PREX1: variants seen among roughly 807,000 people sequenced by gnomAD.
PREX1 encodes the protein phosphatidylinositol 3,4,5-trisphosphate-dependent Rac exchanger 1 protein.
Under a neutral mutation model 198.3 loss-of-function variants are expected in PREX1, and 41 were observed. That is an observed-to-expected ratio of 0.21 (90% CI 0.16 to 0.27). The LOEUF is 0.27. PREX1 is among the 10% of genes least tolerant of loss of function. The pLI, the probability that PREX1 is intolerant of heterozygous loss-of-function variation, is 1.00. For synonymous variants in PREX1, 843 were observed against 887.2 expected (o/e 0.95, Z 0.89); for missense variants, 1,620 against 2,200.7 (o/e 0.74, Z 5.28).
Position 48,708,528 on chromosome 20 carries a change from T to C in PREX1, c.622-107A>G. On this transcript the variant is annotated intron_variant, in intron 5 of 39. Coordinates refer to ENST00000371941, the MANE Select transcript of PREX1 (RefSeq NM_020820.4). ...AAACAGACAAAAACTCCTCGCCTGG[T>C]GGACATTACATTCTAGTAAAGGAGA... The C allele has an allele frequency of 1.2e-5, 14 of 1,216,932 alleles. No homozygotes were observed. In the South Asian group the frequency reaches 2.0e-4, roughly 17 times the overall value. 75.4% of individuals were successfully genotyped at this position (1,216,932 alleles called of 1,614,324 possible).
At chr20:48,776,821 T>C (rs557637564) in intron 1 of PREX1, among the ~76,000 whole-genome samples, 2 of 152,220 alleles carry the variant, frequency 1.3e-5, no homozygotes, top group Non-Finnish European at 2.9e-5. Flanking sequence ...CCAGGCTCTG[T>C]GCTACGTATT....
the PREX1 span, among the ~76,000 whole-genome samples, chr20:48,871,756 A>G: frequency 2.5e-5 from 3 of 121,218 alleles, no homozygotes; most frequent in South Asian, 3.1e-4. Flanking sequence ...ATAATAGTCT[A>G]TATTGTGAAT....
chr20:48,688,905 GCCACCTGCCCCA>G (rs1466275001), intron 9 of PREX1, 101 bp from the exon 10 acceptor site: 15 of 1,410,468 alleles, frequency 1.1e-5, no homozygotes, highest in Non-Finnish European at 1.5e-5. Context: ...AAGCTGGCCT[GCCACCTGCCCCA>G]CCACCTGCCC....
intron 37 of PREX1, 93 bp downstream of exon 37, chr20:48,629,356 C>T (rs992031339): frequency 1.5e-5 from 23 of 1,490,896 alleles, no homozygotes; most frequent in Non-Finnish European, 1.9e-5. Context: ...GGATTGGAAC[C>T]CAGCCTTCCT....
chr20:48,874,064 T>A, the PREX1 span, among the ~76,000 whole-genome samples: 1 of 152,174 alleles, frequency 6.6e-6, no homozygotes, highest in African/African-American at 2.4e-5. Context: ...GTTTACTTAA[T>A]ACAATGAGAT....
rs370780889 is a variant in PREX1 at position 48,645,861 on chromosome 20, C to T, written c.3502G>A (p.Asp1168Asn). ...DSGHDTMSYR[D>N]SYSECNSNRD... ...GACGGTGACACCCACCTGTAGGAGT[C>T]GCGATAACTCATGGTGTCGTGGCCT... Residue 1168 changes from aspartate (D) to asparagine (N), a missense_variant, in exon 26 of 40, where the codon GAC (aspartate) becomes AAC (asparagine). Transcript: ENST00000371941. 6.2e-7 allele frequency: 1 copy of T among 1,614,106 alleles called. No individual in the cohort carries two copies. The highest frequency in any genetic ancestry group is 1.1e-5 in the South Asian group (1 of 91,020).
the PREX1 span, among the ~76,000 whole-genome samples, chr20:48,884,304 T>C: frequency 6.6e-6 from 1 of 152,072 alleles, no homozygotes; most frequent in Non-Finnish European, 1.5e-5. Flanking sequence ...GTCACAATAA[T>C]CAAGACAGTG....
chr20:48,649,703 T>G (rs894518651), intron 24 of PREX1, 127 bp from the exon 25 acceptor site: 58 of 1,176,934 alleles, frequency 4.9e-5, no homozygotes, highest in Non-Finnish European at 6.2e-5. Flanking sequence ...CTAAATACTC[T>G]TAATTCATTC....
chr20:48,723,189 T>C (rs1220374247), intron 5 of PREX1, among the ~76,000 whole-genome samples: 1 of 152,108 alleles, frequency 6.6e-6, no homozygotes, highest in African/African-American at 2.4e-5. Flanking sequence ...CTCCTCAACA[T>C]TGTGTGCCCA....
At chr20:48,782,592 G>C (rs1191736214) in intron 1 of PREX1, among the ~76,000 whole-genome samples, 1 of 152,170 alleles carries the variant, frequency 6.6e-6, no homozygotes, top group Non-Finnish European at 1.5e-5. Context: ...TAGAGGAAAG[G>C]TTTGGGATGG....
chr20:48,668,758 G>T (rs1034561960), intron 14 of PREX1, among the ~76,000 whole-genome samples: 6 of 152,212 alleles, frequency 3.9e-5, no homozygotes, highest in Admixed American at 1.3e-4. Context: ...TGCGGGTTGG[G>T]AACCCTGCCA....
At chr20:48,661,444 A>AAATATAT (rs1555832820) in intron 15 of PREX1, among the ~76,000 whole-genome samples, 16 of 49,592 alleles carry the variant, frequency 3.2e-4, no homozygotes, top group Non-Finnish European at 4.7e-4. Context: ...AAAAAAAAAA[A>AAATATAT]ATATATATAT....
At chr20:48,875,485 C>G in the PREX1 span, among the ~76,000 whole-genome samples, 1 of 152,146 alleles carries the variant, frequency 6.6e-6, no homozygotes, top group South Asian at 2.1e-4. Context: ...CCAGAGTGAC[C>G]ACAGAAGAGT....
At chr20:48,771,304 G>C (rs1261204841) in intron 1 of PREX1, among the ~76,000 whole-genome samples, 1 of 151,066 alleles carries the variant, frequency 6.6e-6, no homozygotes, top group Non-Finnish European at 1.5e-5. Context: ...GTTTCAATGA[G>C]TAACCTGGTA....
At chr20:48,882,641 A>G in the PREX1 span, among the ~76,000 whole-genome samples, 1 of 151,542 alleles carries the variant, frequency 6.6e-6, no homozygotes, top group Non-Finnish European at 1.5e-5. Flanking sequence ...TATGCTTAAT[A>G]TTTTGAGGAA....
chr20:48,631,618 C>G (rs140941040), intron 35 of PREX1, among the ~76,000 whole-genome samples: 14 of 152,320 alleles, frequency 9.2e-5, no homozygotes, highest in African/African-American at 3.4e-4. Context: ...TCTGAGCAAA[C>G]GAATGAAGCC....
At chr20:48,749,001 C>T (rs906463222) in intron 1 of PREX1, among the ~76,000 whole-genome samples, 10 of 152,084 alleles carry the variant, frequency 6.6e-5, no homozygotes, top group Non-Finnish European at 1.3e-4. Context: ...CAAGAGATGA[C>T]GGTGGCCTGG....
Position 48,649,513 on chromosome 20 carries a change from T to C in PREX1, c.3092A>G (p.Lys1031Arg). 6.2e-7 allele frequency: 1 copy of C among 1,613,756 alleles called. No homozygotes were observed. The highest frequency in any genetic ancestry group is 8.5e-7 in the Non-Finnish European group (1 of 1,179,840). Residue 1031 changes from lysine to arginine, a missense_variant, in exon 25 of 40, where the codon AAG (lysine) becomes AGG (arginine). Coordinates refer to ENST00000371941, the MANE Select transcript of PREX1 (RefSeq NM_020820.4). The part of the protein sequence containing the change: ...CITTMAAPSW[K>R]CLPAAEGDPQ... ...ATCACCCTCTGCAGCAGGCAAGCAC[T>C]TCCAGGAGGGAGCAGCCATGGTGGT...
At chr20:48,841,972 T>C in the PREX1 span, among the ~76,000 whole-genome samples, 1 of 152,176 alleles carries the variant, frequency 6.6e-6, no homozygotes, top group Non-Finnish European at 1.5e-5. Context: ...TATTTTTATT[T>C]GTCCCAGCAG....
Sources: gnomAD v4.1 joint callset for allele counts (sites outside exome capture counted in the v4.1 genomes callset) on GRCh38, gnomAD v4.1.1 for gene constraint, MANE v1.5 for transcripts, NCBI Gene and HGNC (gene_info 2026-07-23, HGNC 2026-07-21) for gene names.